Variants in LUC7L3 observed in about 807,000 individuals in gnomAD.
The protein encoded by LUC7L3 is luc7-like protein 3.
A neutral mutation model predicts 66.8 loss-of-function variants in LUC7L3; 6 were observed. That is an observed-to-expected ratio of 0.09 (90% confidence interval 0.05 to 0.18). The LOEUF (loss-of-function observed/expected upper bound fraction) is 0.18, where lower values mean the gene tolerates loss of function less well. Among genes scored for constraint, LUC7L3 ranks in the 10% least tolerant of loss-of-function variants. The probability of loss-of-function intolerance (pLI) is 1.00; values close to 1 mark genes in which losing one functional copy is unlikely to be tolerated. For synonymous variants in LUC7L3, 160 were observed against 174.7 expected, an observed-to-expected ratio of 0.92 and a Z score of 0.66; for missense variants, 341 against 531.1, an observed-to-expected ratio of 0.64 and a Z score of 3.52.
intron 1 of LUC7L3, among the ~76,000 whole-genome samples, chr17:50,728,873 C>G (rs1374208946): frequency 1.3e-5 from 2 of 149,200 alleles, no homozygotes; most frequent in African/African-American, 5.0e-5. Flanking sequence ...TTTTTTTAAC[C>G]AATAAAATTT....
At position 50,751,629 on chromosome 17, in the gene LUC7L3, AC is replaced by A; in HGVS notation, c.*969del. ...AACACTTCATATTATTCGCCTTGTT[AC>A]ACTCAATGCAATTCTCAAGTCTATA... On this transcript the variant is annotated 3_prime_UTR_variant, in exon 10 of 10. Transcript: ENST00000505658. 3.5e-6 allele frequency: 4 copies of A among 1,128,672 alleles called. No individual in the cohort carries two copies. The South Asian group carries it at 5.9e-5, about 17-fold the overall frequency. The allele number at this position is 1,128,672 out of a possible 1,614,324, so 69.9% of individuals were successfully genotyped here.
chr17:50,738,057 G>C, intron 2 of LUC7L3: 1 of 417,706 alleles, frequency 2.4e-6, no homozygotes, highest in Non-Finnish European at 4.7e-6. Context: ...GTAAAACAGA[G>C]TAAATGAATC....
intron 9 of LUC7L3, among the ~76,000 whole-genome samples, chr17:50,748,886 T>C (rs1970842662): frequency 1.1e-5 from 1 of 88,490 alleles, no homozygotes; most frequent in East Asian, 2.4e-4. Flanking sequence ...ATTTAAAAAA[T>C]GTAAAAAAAA....
intron 2 of LUC7L3, among the ~76,000 whole-genome samples, chr17:50,739,935 A>G (rs534907941): frequency 2.0e-5 from 3 of 152,320 alleles, no homozygotes; most frequent in South Asian, 2.1e-4. Flanking sequence ...TTGACTTTAT[A>G]TACAGATTTG....
rs1382620027 is a variant in LUC7L3 at position 50,755,774 on chromosome 17, G to T, written c.*5113G>T. The T allele has an allele frequency of 6.6e-6, 1 of 152,164 alleles. No homozygotes were observed. Among genetic ancestry groups the T allele is most frequent in the Non-Finnish European group, 1.5e-5 (1 of 68,042 alleles). 9.4% of individuals were successfully genotyped at this position (152,164 alleles called of 1,614,324 possible). A position where few individuals can be genotyped will look rare whatever the true frequency, so the allele number is the denominator to read the frequency against. On this transcript the variant is annotated 3_prime_UTR_variant, in exon 10 of 10. Coordinates refer to ENST00000505658, the MANE Select transcript of LUC7L3 (RefSeq NM_016424.5). ...AGGGGATGGATTTAAGCATTTGTGT[G>T]TAATAGGAAGAAAAGAAGAAAAAAC...
At chr17:50,747,232 C>CTTTTTTTT (rs757254602) in intron 9 of LUC7L3, among the ~76,000 whole-genome samples, 8 of 102,980 alleles carry the variant, frequency 7.8e-5, no homozygotes, top group Non-Finnish European at 1.1e-4. Context: ...TTTTCTTTTT[C>CTTTTTTTT]TTTTTTTTTT....
intron 9 of LUC7L3, among the ~76,000 whole-genome samples, chr17:50,748,096 C>G (rs1384871437): frequency 6.6e-6 from 1 of 152,154 alleles, no homozygotes; most frequent in Non-Finnish European, 1.5e-5. Flanking sequence ...TTTAGTTGCT[C>G]TATTCTGTGT....
chr17:50,726,378 G>C (rs947733047), intron 1 of LUC7L3, among the ~76,000 whole-genome samples: 1 of 152,038 alleles, frequency 6.6e-6, no homozygotes, highest in African/African-American at 2.4e-5. Context: ...TGTCATGTTG[G>C]CCAGGCTGGG....
rs1416637837 is a variant in LUC7L3 at position 50,751,383 on chromosome 17, T to C, written c.*722T>C. ...AGCAGGTACTCATGCCAGGTACTCC[T>C]TTCTCTACCCACATCCATGTTTGAA... On this transcript the variant is annotated 3_prime_UTR_variant, in exon 10 of 10. Transcript: ENST00000505658. 1 of 1,292,118 alleles carries C rather than the reference T, an allele frequency of 7.7e-7. No homozygotes were observed. The highest frequency in any genetic ancestry group is 1.5e-5 in the African/African-American group (1 of 65,990). The allele number at this position is 1,292,118 out of a possible 1,614,324, so 80.0% of individuals were successfully genotyped here. A position where few individuals can be genotyped will look rare whatever the true frequency, so the allele number is the denominator to read the frequency against.
chr17:50,749,592 T>C (rs1970883011), intron 9 of LUC7L3, among the ~76,000 whole-genome samples: 3 of 152,362 alleles, frequency 2.0e-5, no homozygotes, highest in Admixed American at 6.5e-5. Flanking sequence ...AGAAACTATG[T>C]AGAGGGTTCT....
intron 5 of LUC7L3, 45 bp downstream of exon 5, chr17:50,741,776 C>A: frequency 6.8e-7 from 1 of 1,461,978 alleles, no homozygotes; most frequent in Non-Finnish European, 9.6e-7. Context: ...GTGAAACAGA[C>A]ATGTAACCAG....
intron 1 of LUC7L3, among the ~76,000 whole-genome samples, chr17:50,727,628 A>C (rs1379903597): frequency 6.6e-6 from 1 of 152,188 alleles, no homozygotes; most frequent in Non-Finnish European, 1.5e-5. Flanking sequence ...GTGGTCTTTA[A>C]ATACATTTAC....
In LUC7L3 at chr17:50,755,214, G is replaced by A. The variant is rs1381354454; in HGVS notation, c.*4553G>A. The A allele has an allele frequency of 2.0e-5, 3 of 151,968 alleles. No individual in the cohort carries two copies. Among genetic ancestry groups the A allele is most frequent in the African/African-American group, 7.2e-5 (3 of 41,386 alleles). 9.4% of individuals were successfully genotyped at this position (151,968 alleles called of 1,614,324 possible). A position where few individuals can be genotyped will look rare whatever the true frequency, so the allele number is the denominator to read the frequency against. On this transcript the variant is annotated 3_prime_UTR_variant, in exon 10 of 10. Transcript: ENST00000505658. ...AAAAAAAAAGTGTTCAGTGATCTAT[G>A]TCTCCTACTACTCCTATTTCTCTGT... is the stretch of plus-strand genomic sequence containing the variant.
intron 1 of LUC7L3, chr17:50,724,148 C>T (rs72839257): frequency 0.17 from 44,213 of 267,066 alleles, 4,631 homozygotes; most frequent in African/African-American, 0.3. Flanking sequence ...CTCTGTATCC[C>T]TTCCATTATT....
chr17:50,731,276 C>T (rs1437273106), intron 1 of LUC7L3, among the ~76,000 whole-genome samples: 1 of 152,190 alleles, frequency 6.6e-6, no homozygotes, highest in Non-Finnish European at 1.5e-5. Flanking sequence ...TCAAGCGATT[C>T]TCCCACCTCA....
intron 3 of LUC7L3, 37 bp downstream of exon 3, chr17:50,740,382 T>TA (rs748557126): frequency 1.3e-6 from 2 of 1,581,194 alleles, no homozygotes; most frequent in African/African-American, 2.7e-5. Context: ...CCCCCCCAGT[T>TA]ATTAGTTGGT....
intron 1 of LUC7L3, among the ~76,000 whole-genome samples, chr17:50,720,809 G>T (rs1240496630): frequency 1.3e-5 from 2 of 152,156 alleles, no homozygotes; most frequent in East Asian, 3.8e-4. Context: ...TTTGGTTAAG[G>T]TAAAATTTCT....
chr17:50,746,331 A>G (rs1045774431), intron 8 of LUC7L3, among the ~76,000 whole-genome samples: 9 of 152,246 alleles, frequency 5.9e-5, no homozygotes, highest in Non-Finnish European at 1.2e-4. Context: ...AAATTGAAGA[A>G]GAGTCTTAAA....
chr17:50,720,661 T>C (rs184417737), intron 1 of LUC7L3, among the ~76,000 whole-genome samples: 1 of 152,352 alleles, frequency 6.6e-6, no homozygotes, highest in East Asian at 1.9e-4. Context: ...GGAGAATAGA[T>C]ACAGAATTTA....
Sources: gnomAD v4.1 joint callset for allele counts (sites outside exome capture counted in the v4.1 genomes callset) on GRCh38, gnomAD v4.1.1 for gene constraint, MANE v1.5 for transcripts, NCBI Gene and HGNC (gene_info 2026-07-23, HGNC 2026-07-21) for gene names.